The following ERBB4 variants were observed in gnomAD, a reference collection of about 807,000 sequenced individuals.
ERBB4 encodes the protein receptor tyrosine-protein kinase erbB-4.
In ERBB4, 42 loss-of-function variants were observed where a neutral mutation model predicts 158.0. That is an observed-to-expected ratio of 0.27 (90% CI 0.21 to 0.34). ERBB4 has a LOEUF of 0.34. Ranked by LOEUF, ERBB4 falls within the 10% of genes least tolerant of loss-of-function variation. The pLI is 1.00. For missense variants in ERBB4, 1,333 were observed against 1,624.1 expected (o/e 0.82, Z 3.08); for synonymous variants, 583 against 558.7 (o/e 1.04, Z -0.61).
At chr2:212,138,732 A>G (rs1467759712) in intron 1 of ERBB4, among the ~76,000 whole-genome samples, 2 of 152,180 alleles carry the variant, frequency 1.3e-5, no homozygotes, top group African/African-American at 2.4e-5. Context: ...CTAGGTCCTC[A>G]TTCACTTGTC....
At chr2:211,763,265 T>G (rs1410804743) in intron 4 of ERBB4, among the ~76,000 whole-genome samples, 1 of 152,204 alleles carries the variant, frequency 6.6e-6, no homozygotes, top group Non-Finnish European at 1.5e-5. Flanking sequence ...ATAATCTGTG[T>G]GTAGTATGGT....
At chr2:212,033,036 A>G (rs1245251917) in intron 2 of ERBB4, among the ~76,000 whole-genome samples, 1 of 151,992 alleles carries the variant, frequency 6.6e-6, no homozygotes, top group African/African-American at 2.4e-5. Context: ...GGGAAAGGAT[A>G]TTGAGTAACA....
At chr2:212,262,806 A>C (rs543849626) in intron 1 of ERBB4, among the ~76,000 whole-genome samples, 12 of 152,284 alleles carry the variant, frequency 7.9e-5, no homozygotes, top group African/African-American at 2.9e-4. Context: ...TATAACAAAA[A>C]CTATAATTCT....
At chr2:212,154,878 G>C (rs1268793694) in intron 1 of ERBB4, among the ~76,000 whole-genome samples, 1 of 152,090 alleles carries the variant, frequency 6.6e-6, no homozygotes, top group Non-Finnish European at 1.5e-5. Context: ...ACAAAACACA[G>C]CCTGATAGGA....
chr2:211,664,327 ATGTGTGTG>A (rs113835907), intron 15 of ERBB4, among the ~76,000 whole-genome samples: 128 of 148,946 alleles, frequency 8.6e-4, no homozygotes, highest in African/African-American at 3.0e-3. Flanking sequence ...TCAACTACAA[ATGTGTGTG>A]TGTGTGTGTG....
At chr2:211,931,195 T>G (rs1170965459) in intron 3 of ERBB4, among the ~76,000 whole-genome samples, 2 of 152,122 alleles carry the variant, frequency 1.3e-5, no homozygotes, top group East Asian at 3.9e-4. Flanking sequence ...TCATCAAAAG[T>G]TTTTCCTTTC....
At chr2:212,510,171 A>T (rs1456051421) in intron 1 of ERBB4, among the ~76,000 whole-genome samples, 2 of 145,298 alleles carry the variant, frequency 1.4e-5, no homozygotes, top group Non-Finnish European at 1.5e-5. Context: ...TATATATATA[A>T]AAGCCTAAAA....
intron 20 of ERBB4, among the ~76,000 whole-genome samples, chr2:211,447,583 C>T (rs2064144052): frequency 6.6e-6 from 1 of 152,276 alleles, no homozygotes; most frequent in African/African-American, 2.4e-5. Context: ...CAAAGAGACA[C>T]TGCTTAGAAA....
intron 5 of ERBB4, among the ~76,000 whole-genome samples, chr2:211,740,775 T>C (rs1443910088): frequency 6.6e-6 from 1 of 151,870 alleles, no homozygotes; most frequent in Non-Finnish European, 1.5e-5. Flanking sequence ...CACACCCGAC[T>C]AATTTTTTGT....
chr2:211,874,358 T>G, intron 3 of ERBB4, among the ~76,000 whole-genome samples: 1 of 152,170 alleles, frequency 6.6e-6, no homozygotes. Context: ...GCATCTAACT[T>G]TGTTCTTGTC....
At chr2:212,318,757 T>C (rs1459170217) in intron 1 of ERBB4, among the ~76,000 whole-genome samples, 1 of 151,592 alleles carries the variant, frequency 6.6e-6, no homozygotes, top group Non-Finnish European at 1.5e-5. Context: ...TTATGTTTCC[T>C]GTGGTTTTGC....
chr2:211,721,286 A>C (rs1244183915), intron 7 of ERBB4, among the ~76,000 whole-genome samples: 1 of 152,132 alleles, frequency 6.6e-6, no homozygotes, highest in Admixed American at 6.5e-5. Flanking sequence ...GTGGATGCTC[A>C]GCCTGTACTT....
chr2:212,138,754 G>A (rs1177356847), intron 1 of ERBB4, among the ~76,000 whole-genome samples: 1 of 152,062 alleles, frequency 6.6e-6, no homozygotes, highest in Non-Finnish European at 1.5e-5. Flanking sequence ...AAAAGGATAA[G>A]GAAAAATTGC....
chr2:211,489,350 T>A (rs182272843), intron 20 of ERBB4, among the ~76,000 whole-genome samples: 3 of 152,180 alleles, frequency 2.0e-5, no homozygotes, highest in African/African-American at 7.2e-5. Flanking sequence ...TTGAATCCTG[T>A]CTCTGTTACT....
intron 1 of ERBB4, among the ~76,000 whole-genome samples, chr2:212,488,613 A>G (rs1304470939): frequency 2.0e-5 from 3 of 151,962 alleles, no homozygotes; most frequent in Admixed American, 1.3e-4. Flanking sequence ...ACTAGAGCAG[A>G]CAAAAAATTT....
intron 1 of ERBB4, among the ~76,000 whole-genome samples, chr2:212,505,140 A>G (rs1407038897): frequency 6.6e-6 from 1 of 152,180 alleles, no homozygotes; most frequent in African/African-American, 2.4e-5. Context: ...TCTGTTGCCC[A>G]GGCTGGAGTG....
chr2:211,681,718 T>G (rs1412185945), intron 12 of ERBB4, among the ~76,000 whole-genome samples: 1 of 152,194 alleles, frequency 6.6e-6, no homozygotes, highest in Non-Finnish European at 1.5e-5. Flanking sequence ...TTGTTTCTTA[T>G]TAATGAGTAT....
chr2:212,363,397 A>G (rs2089765986), intron 1 of ERBB4, among the ~76,000 whole-genome samples: 1 of 151,526 alleles, frequency 6.6e-6, no homozygotes, highest in East Asian at 1.9e-4. Flanking sequence ...ATAGCTACAG[A>G]TAATACCTAG....
intron 15 of ERBB4, among the ~76,000 whole-genome samples, chr2:211,660,747 A>C (rs1414178034): frequency 2.0e-5 from 3 of 152,228 alleles, no homozygotes; most frequent in Non-Finnish European, 4.4e-5. Context: ...ATAAAAAGTA[A>C]GAAAAGCAGA....
Sources: allele counts gnomAD v4.1 joint callset (sites outside exome capture counted in the v4.1 genomes callset), GRCh38; gene constraint gnomAD v4.1.1; transcripts MANE v1.5; gene names NCBI Gene and HGNC (gene_info 2026-07-23, HGNC 2026-07-21).